SMYD3: variants seen among roughly 807,000 people sequenced by gnomAD.
SMYD3 encodes the protein histone-lysine N-methyltransferase SMYD3.
Under a neutral mutation model 57.7 loss-of-function variants are expected in SMYD3, and 36 were observed. The observed-to-expected ratio is 0.62, with a 90% CI of 0.48 to 0.82. The LOEUF (loss-of-function observed/expected upper bound fraction) is 0.82. Among genes scored for constraint, SMYD3 ranks in the 40% least tolerant of loss-of-function variants. SMYD3 has a pLI of 0.00. For synonymous variants in SMYD3, 211 were observed against 195.0 expected, an observed-to-expected ratio of 1.08 and a Z score of -0.68; for missense variants, 515 against 538.8, an observed-to-expected ratio of 0.96 and a Z score of 0.44.
chr1:245,934,065 C>G (rs1341728588), intron 5 of SMYD3, among the ~76,000 whole-genome samples: 1 of 152,142 alleles, frequency 6.6e-6, no homozygotes, highest in Non-Finnish European at 1.5e-5. Context: ...CTGAACACAA[C>G]TATACAGAGG....
intron 1 of SMYD3, among the ~76,000 whole-genome samples, chr1:246,437,377 T>G (rs1012164676): frequency 6.6e-6 from 1 of 152,180 alleles, no homozygotes; most frequent in African/African-American, 2.4e-5. Flanking sequence ...ATCAATTTGG[T>G]TAACTATTCT....
chr1:245,759,307 C>G (rs1310924577), intron 11 of SMYD3, among the ~76,000 whole-genome samples: 1 of 152,124 alleles, frequency 6.6e-6, no homozygotes, highest in Non-Finnish European at 1.5e-5. Flanking sequence ...CTTACTCCCC[C>G]TCTTTCCCTC....
intron 5 of SMYD3, among the ~76,000 whole-genome samples, chr1:246,126,546 T>A (rs72772566): frequency 2.0e-5 from 3 of 152,238 alleles, no homozygotes; most frequent in Non-Finnish European, 2.9e-5. Context: ...GAGTTGTTCA[T>A]CATTGTGAAA....
intron 1 of SMYD3, among the ~76,000 whole-genome samples, chr1:246,380,703 A>C (rs1162426904): frequency 6.6e-6 from 1 of 152,250 alleles, no homozygotes; most frequent in East Asian, 1.9e-4. Context: ...AATAGCAGGA[A>C]CAGCAATAAT....
intron 7 of SMYD3, among the ~76,000 whole-genome samples, chr1:245,917,636 G>A (rs142361262): frequency 7.2e-5 from 11 of 152,064 alleles, no homozygotes; most frequent in African/African-American, 2.4e-4. Flanking sequence ...CCACTTTCTC[G>A]TTCAGGTCTA....
intron 8 of SMYD3, among the ~76,000 whole-genome samples, chr1:245,894,880 G>A (rs898779709): frequency 5.3e-5 from 8 of 152,178 alleles, no homozygotes; most frequent in Non-Finnish European, 1.0e-4. Flanking sequence ...CAGAATTCAC[G>A]ACACCACAAA....
chr1:245,849,023 G>A (rs1459944762), intron 10 of SMYD3, among the ~76,000 whole-genome samples: 1 of 152,190 alleles, frequency 6.6e-6, no homozygotes, highest in Non-Finnish European at 1.5e-5. Context: ...TTAGGACCAC[G>A]AGCATCTATG....
intron 5 of SMYD3, among the ~76,000 whole-genome samples, chr1:246,125,853 A>T (rs1456313735): frequency 6.6e-6 from 1 of 152,198 alleles, no homozygotes; most frequent in Non-Finnish European, 1.5e-5. Flanking sequence ...TCCATCAATG[A>T]AACATCACCA....
chr1:246,389,700 T>C (rs2066527808), intron 1 of SMYD3, among the ~76,000 whole-genome samples: 1 of 62,196 alleles, frequency 1.6e-5, no homozygotes, highest in African/African-American at 5.0e-5. Flanking sequence ...GGGGACCTCC[T>C]TGTAGAAAGC....
intron 5 of SMYD3, chr1:246,326,266 T>A: frequency 2.0e-6 from 1 of 511,578 alleles, no homozygotes; most frequent in Non-Finnish European, 3.5e-6. Flanking sequence ...TAAATTGTGA[T>A]CAACATTAAA....
intron 1 of SMYD3, among the ~76,000 whole-genome samples, chr1:246,404,636 T>A (rs76667211): frequency 6.6e-6 from 1 of 152,152 alleles, no homozygotes; most frequent in Non-Finnish European, 1.5e-5. Flanking sequence ...CTGCAAGCAC[T>A]TGATCTCTGC....
intron 1 of SMYD3, among the ~76,000 whole-genome samples, chr1:246,405,282 A>G (rs2102975356): frequency 6.6e-6 from 1 of 152,272 alleles, no homozygotes; most frequent in East Asian, 1.9e-4. Flanking sequence ...ACGTATACAC[A>G]ATGTGTAATG....
chr1:245,844,605 C>CTTTT lies in SMYD3; in HGVS notation c.1076+13887_1076+13890dup, dbSNP rs34767057. Among the ~76,000 whole-genome samples, 54 of 147,798 alleles carry CTTTT rather than the reference C, an allele frequency of 3.7e-4. 1 individual carries two copies. Among genetic ancestry groups the CTTTT allele is most frequent in the East Asian group, 6.0e-4 (3 of 5,038 alleles). On this transcript the variant is annotated intron_variant, in intron 10 of 11. Transcript: ENST00000490107. ...TTTCTCACCTCTACTTCCTTGGTTT[C>CTTTT]TTTTTTTTTTTCTTCTGATCTCTTT...
At chr1:246,177,752 T>C (rs893989085) in intron 5 of SMYD3, among the ~76,000 whole-genome samples, 1 of 152,176 alleles carries the variant, frequency 6.6e-6, no homozygotes, top group Non-Finnish European at 1.5e-5. Context: ...CACATAGAGC[T>C]ATGAGGACAG....
intron 5 of SMYD3, among the ~76,000 whole-genome samples, chr1:246,301,690 G>A (rs1161337899): frequency 6.6e-6 from 1 of 152,086 alleles, no homozygotes; most frequent in Non-Finnish European, 1.5e-5. Flanking sequence ...AGCAAATTAT[G>A]CATATTGTAT....
At chr1:246,239,227 C>A (rs1398004495) in intron 5 of SMYD3, among the ~76,000 whole-genome samples, 1 of 152,098 alleles carries the variant, frequency 6.6e-6, no homozygotes, top group East Asian at 1.9e-4. Context: ...AGGTATATGT[C>A]CTAATGCTAT....
At chr1:246,169,376 T>C (rs2062281391) in intron 5 of SMYD3, among the ~76,000 whole-genome samples, 3 of 104,424 alleles carry the variant, frequency 2.9e-5, no homozygotes, top group African/African-American at 1.4e-4. Context: ...CAAAAGACTT[T>C]CTTTCAAAAA....
At chr1:246,236,193 GATAA>G (rs1309605299) in intron 5 of SMYD3, among the ~76,000 whole-genome samples, 1 of 152,016 alleles carries the variant, frequency 6.6e-6, no homozygotes, top group South Asian at 2.1e-4. Context: ...GAAATATTAT[GATAA>G]ATAAGTATAC....
chr1:245,759,101 G>C (rs148877045), intron 11 of SMYD3, among the ~76,000 whole-genome samples: 1 of 152,032 alleles, frequency 6.6e-6, no homozygotes, highest in African/African-American at 2.4e-5. Context: ...CCCATAATAC[G>C]ACTTAATCAC....
Sources: allele counts gnomAD v4.1 joint callset (sites outside exome capture counted in the v4.1 genomes callset), GRCh38; gene constraint gnomAD v4.1.1; transcripts MANE v1.5; gene names NCBI Gene and HGNC (gene_info 2026-07-23, HGNC 2026-07-21).